Variants in HACD2 observed in about 807,000 individuals in gnomAD.
The protein encoded by HACD2 is very-long-chain (3R)-3-hydroxyacyl-CoA dehydratase 2.
A neutral mutation model predicts 31.0 loss-of-function variants in HACD2; 15 were observed. That is an observed-to-expected ratio of 0.48 (90% CI 0.32 to 0.75). The LOEUF (loss-of-function observed/expected upper bound fraction) is 0.75, where lower values mean the gene tolerates loss of function less well. Among genes scored for constraint, HACD2 ranks in the 30% least tolerant of loss-of-function variants. The pLI is 0.03. For synonymous variants in HACD2, 115 were observed against 122.2 expected (o/e 0.94, Z 0.39); for missense variants, 283 against 313.0 (o/e 0.90, Z 0.72).
chr3:123,530,199 A>G (rs1160229272), intron 3 of HACD2, among the ~76,000 whole-genome samples: 1 of 152,076 alleles, frequency 6.6e-6, no homozygotes, highest in Non-Finnish European at 1.5e-5. Flanking sequence ...CTTTGATTTC[A>G]AACAAACAAA....
intron 4 of HACD2, among the ~76,000 whole-genome samples, chr3:123,514,002 T>C (rs925608997): frequency 5.3e-5 from 8 of 152,142 alleles, no homozygotes; most frequent in South Asian, 2.1e-4. Flanking sequence ...AGGCTGAATA[T>C]GGTGGCTCAT....
chr3:123,532,047 T>C (rs957705594), intron 3 of HACD2, among the ~76,000 whole-genome samples: 1 of 152,198 alleles, frequency 6.6e-6, no homozygotes, highest in Non-Finnish European at 1.5e-5. Context: ...CAAACTGCTT[T>C]CTAAGAAGTT....
At chr3:123,546,993 C>T (rs1028330567) in intron 3 of HACD2, among the ~76,000 whole-genome samples, 2 of 152,020 alleles carry the variant, frequency 1.3e-5, no homozygotes, top group African/African-American at 2.4e-5. Flanking sequence ...TATATTATGT[C>T]CAAAAATTTT....
Position 123,493,125 on chromosome 3 carries a change from C to A in HACD2, c.*1763G>T, listed in dbSNP as rs1469290463. On this transcript the variant is annotated 3_prime_UTR_variant, in exon 7 of 7. Transcript: ENST00000383657. Reference sequence around the variant, plus strand: ...ATCCCAGCACTTTGGGAGGCTGAGGCGGGTGGATCACGAGGTCAGGAGATC... The same window carrying A: ...ATCCCAGCACTTTGGGAGGCTGAGGAGGGTGGATCACGAGGTCAGGAGATC... The A allele has an allele frequency of 6.6e-6, 1 of 152,166 alleles. No individual in the cohort carries two copies. Among genetic ancestry groups the A allele is most frequent in the Admixed American group, 6.5e-5 (1 of 15,282 alleles). The allele number at this position is 152,166 out of a possible 1,614,324, so 9.4% of individuals were successfully genotyped here. A position where few individuals can be genotyped will look rare whatever the true frequency, so the allele number is the denominator to read the frequency against.
intron 1 of HACD2, among the ~76,000 whole-genome samples, chr3:123,582,844 A>T (rs2056981163): frequency 7.0e-6 from 1 of 142,808 alleles, no homozygotes. Flanking sequence ...GGCTCTTGCT[A>T]AAAAAAAAAA....
chr3:123,495,390 T>C (rs2055820062), intron 6 of HACD2, among the ~76,000 whole-genome samples: 1 of 152,194 alleles, frequency 6.6e-6, no homozygotes, highest in African/African-American at 2.4e-5. Flanking sequence ...GGTAAGCAAC[T>C]TGCCTAGGGT....
At chr3:123,517,082 C>T (rs2056147644) in intron 4 of HACD2, among the ~76,000 whole-genome samples, 1 of 152,226 alleles carries the variant, frequency 6.6e-6, no homozygotes, top group South Asian at 2.1e-4. Context: ...CATTATTATT[C>T]CATGAAGGGA....
chr3:123,534,798 T>TGTGTGTGTGTGTGTG (rs139815832), intron 3 of HACD2, among the ~76,000 whole-genome samples: 3 of 149,090 alleles, frequency 2.0e-5, no homozygotes, highest in Non-Finnish European at 3.0e-5. Context: ...AGACGTAGGC[T>TGTGTGTGTGTGTGTG]TGTGTGTGTG....
intron 3 of HACD2, among the ~76,000 whole-genome samples, chr3:123,556,862 G>C (rs1029660780): frequency 6.6e-6 from 1 of 152,288 alleles, no homozygotes; most frequent in Non-Finnish European, 1.5e-5. Flanking sequence ...CATAGCATTT[G>C]TCATTAGAGA....
chr3:123,497,261 C>T (rs753624), intron 6 of HACD2, among the ~76,000 whole-genome samples: 3,755 of 152,278 alleles, frequency 0.025, 151 homozygotes, highest in African/African-American at 0.082. Context: ...CCCCTCAACC[C>T]GACAACAGGC....
At chr3:123,531,772 C>T (rs140552817) in intron 3 of HACD2, among the ~76,000 whole-genome samples, 156 of 152,216 alleles carry the variant, frequency 1.0e-3, no homozygotes, top group African/African-American at 3.5e-3. Context: ...TAAGAATTTT[C>T]CTTCTCTTCT....
chr3:123,583,699 A>G (rs1279175140), intron 1 of HACD2, among the ~76,000 whole-genome samples: 1 of 152,220 alleles, frequency 6.6e-6, no homozygotes, highest in African/African-American at 2.4e-5. Flanking sequence ...AAAAATATTA[A>G]TATATTGGCA....
intron 6 of HACD2, among the ~76,000 whole-genome samples, chr3:123,495,602 A>G (rs1204805098): frequency 1.4e-5 from 2 of 147,278 alleles, no homozygotes; most frequent in Non-Finnish European, 3.0e-5. Flanking sequence ...ATGTTAAAAA[A>G]AAAAAAAAAA....
At chr3:123,500,418 T>C in intron 6 of HACD2, 97 bp downstream of exon 6, 1 of 760,966 alleles carries the variant, frequency 1.3e-6, no homozygotes, top group East Asian at 2.7e-5. Flanking sequence ...GAGATTTACA[T>C]TTACTTGGAT....
chr3:123,568,816 C>G (rs1313731946), intron 2 of HACD2, among the ~76,000 whole-genome samples: 2 of 152,116 alleles, frequency 1.3e-5, no homozygotes, highest in Non-Finnish European at 2.9e-5. Context: ...TTGTTTGATC[C>G]TAACAATTAC....
chr3:123,558,784 A>G (rs570853942), intron 3 of HACD2, among the ~76,000 whole-genome samples: 3 of 152,188 alleles, frequency 2.0e-5, no homozygotes, highest in Non-Finnish European at 4.4e-5. Flanking sequence ...AGATGACTCA[A>G]GTTTTCACTT....
chr3:123,544,790 T>C (rs1434588758), intron 3 of HACD2, among the ~76,000 whole-genome samples: 2 of 152,146 alleles, frequency 1.3e-5, no homozygotes, highest in African/African-American at 4.8e-5. Context: ...ATTTCTAAAT[T>C]TCAAATGCCA....
At chr3:123,580,577 A>G (rs1022269558) in intron 2 of HACD2, among the ~76,000 whole-genome samples, 1 of 152,054 alleles carries the variant, frequency 6.6e-6, no homozygotes, top group African/African-American at 2.4e-5. Flanking sequence ...TGAGCCAAGG[A>G]GTTTGAGACC....
chr3:123,547,905 G>A (rs1388095330), intron 3 of HACD2, among the ~76,000 whole-genome samples: 4 of 151,906 alleles, frequency 2.6e-5, no homozygotes, highest in South Asian at 2.1e-4. Flanking sequence ...TTTCCTCAAC[G>A]CATACATGAG....
Sources: allele counts gnomAD v4.1 joint callset (sites outside exome capture counted in the v4.1 genomes callset), GRCh38; gene constraint gnomAD v4.1.1; transcripts MANE v1.5; gene names NCBI Gene and HGNC (gene_info 2026-07-23, HGNC 2026-07-21).